The following SPOCK3 variants were observed in gnomAD, a reference collection of about 807,000 sequenced individuals.
SPOCK3 encodes SPARC (osteonectin), cwcv and kazal like domains proteoglycan 3.
A neutral mutation model predicts 56.6 loss-of-function variants in SPOCK3; 30 were observed. The ratio of observed to expected loss-of-function variants is 0.53; its 90% CI spans 0.40 to 0.72. SPOCK3 has a LOEUF of 0.72. Ranked by LOEUF, SPOCK3 falls within the 30% of genes least tolerant of loss-of-function variation. The pLI, the probability that SPOCK3 is intolerant of heterozygous loss-of-function variation, is 0.00. For missense variants in SPOCK3, 527 were observed against 530.0 expected (o/e 0.99, Z 0.06); for synonymous variants, 196 against 183.3 (o/e 1.07, Z -0.56).
rs550756130 is a variant in SPOCK3, at chr4:167,104,482, G to A, written c.190-41945C>T. ...CAGAGTCTCTCAGTAACAGAACTGAGCAAGGAGAAGAAAGAATTAATGAGC... is the reference window on the plus strand; with the variant it reads ...CAGAGTCTCTCAGTAACAGAACTGAACAAGGAGAAGAAAGAATTAATGAGC... On this transcript the variant is annotated intron_variant, in intron 2 of 10. Transcript: ENST00000357545. 7.2e-5 allele frequency among the ~76,000 whole-genome samples: 11 copies of A among 152,206 alleles called. No individual in the cohort carries two copies. In the East Asian group the frequency reaches 1.9e-3, roughly 27 times the overall value.
At chr4:166,803,715 T>C (rs2126698384) in intron 6 of SPOCK3, among the ~76,000 whole-genome samples, 2 of 152,214 alleles carry the variant, frequency 1.3e-5, no homozygotes, top group Middle Eastern at 6.8e-3. Flanking sequence ...TTTCTACTAA[T>C]GGAACATGAC....
intron 6 of SPOCK3, among the ~76,000 whole-genome samples, chr4:166,820,900 C>T (rs930879320): frequency 2.6e-5 from 4 of 151,956 alleles, no homozygotes; most frequent in South Asian, 2.1e-4. Flanking sequence ...TAGATGATGA[C>T]GTCTTAGCTA....
intron 2 of SPOCK3, among the ~76,000 whole-genome samples, chr4:167,184,890 T>C (rs542100944): frequency 2.0e-5 from 3 of 152,222 alleles, no homozygotes; most frequent in East Asian, 1.9e-4. Flanking sequence ...GTAAGTCTAG[T>C]AGTAGTGAAG....
intron 7 of SPOCK3, among the ~76,000 whole-genome samples, chr4:166,766,238 G>A (rs995558910): frequency 6.6e-6 from 1 of 152,154 alleles, no homozygotes; most frequent in Non-Finnish European, 1.5e-5. Flanking sequence ...AATAGGAGTG[G>A]TGAGAGAGAG....
At chr4:167,222,158 A>G (rs1213952515) in intron 2 of SPOCK3, among the ~76,000 whole-genome samples, 1 of 152,134 alleles carries the variant, frequency 6.6e-6, no homozygotes, top group Non-Finnish European at 1.5e-5. Flanking sequence ...ATGCCACAAC[A>G]TGGATGAAAC....
intron 2 of SPOCK3, among the ~76,000 whole-genome samples, chr4:167,172,429 T>C (rs1317561289): frequency 6.6e-6 from 1 of 152,174 alleles, no homozygotes; most frequent in East Asian, 1.9e-4. Context: ...AGGCAAAAGC[T>C]GCCCAATCCA....
At chr4:166,965,390 TTG>T (rs1305690365) in intron 4 of SPOCK3, among the ~76,000 whole-genome samples, 1 of 145,070 alleles carries the variant, frequency 6.9e-6, no homozygotes, top group African/African-American at 2.6e-5. Flanking sequence ...TTTTCTATTA[TTG>T]TTTTTTTTTT....
chr4:167,002,276 T>C (rs910530629), intron 3 of SPOCK3, among the ~76,000 whole-genome samples: 1 of 152,162 alleles, frequency 6.6e-6, no homozygotes, highest in Non-Finnish European at 1.5e-5. Flanking sequence ...CAATATAAAA[T>C]ACAGATATAA....
chr4:166,850,091 G>T (rs772364184), intron 6 of SPOCK3, among the ~76,000 whole-genome samples: 7 of 152,182 alleles, frequency 4.6e-5, no homozygotes, highest in Non-Finnish European at 8.8e-5. Context: ...TTTTGCAGGG[G>T]TATATCCCAG....
chr4:167,215,267 C>T (rs1238535774), intron 2 of SPOCK3, among the ~76,000 whole-genome samples: 1 of 152,064 alleles, frequency 6.6e-6, no homozygotes, highest in Non-Finnish European at 1.5e-5. Context: ...GAATAGGTTT[C>T]AGTTTGCTTC....
chr4:167,055,103 T>A (rs866234523), intron 3 of SPOCK3, among the ~76,000 whole-genome samples: 1 of 152,150 alleles, frequency 6.6e-6, no homozygotes, highest in African/African-American at 2.4e-5. Context: ...TATAAAAATA[T>A]AATGACAATG....
At chr4:166,963,503 G>GTAACCA (rs912536576) in intron 4 of SPOCK3, among the ~76,000 whole-genome samples, 12 of 151,858 alleles carry the variant, frequency 7.9e-5, no homozygotes, top group African/African-American at 2.9e-4. Flanking sequence ...TGTTAGCACC[G>GTAACCA]TAACACTAAG....
intron 2 of SPOCK3, among the ~76,000 whole-genome samples, chr4:167,121,799 G>A (rs555983482): frequency 2.4e-4 from 37 of 152,074 alleles, no homozygotes; most frequent in African/African-American, 8.2e-4. Context: ...GAACCTCCTC[G>A]CAGCTTGGGG....
chr4:167,143,536 G>A (rs1763699316), intron 2 of SPOCK3, among the ~76,000 whole-genome samples: 1 of 151,946 alleles, frequency 6.6e-6, no homozygotes, highest in South Asian at 2.1e-4. Flanking sequence ...GCCAACTACT[G>A]TATTTTCTTG....
At chr4:166,940,611 T>TA (rs1217800149) in intron 4 of SPOCK3, among the ~76,000 whole-genome samples, 1 of 151,456 alleles carries the variant, frequency 6.6e-6, no homozygotes, top group East Asian at 2.0e-4. Context: ...ATTGTAATAA[T>TA]AAAAAACCCC....
At chr4:166,825,525 C>T (rs1047550154) in intron 6 of SPOCK3, among the ~76,000 whole-genome samples, 2 of 152,046 alleles carry the variant, frequency 1.3e-5, no homozygotes, top group Non-Finnish European at 2.9e-5. Context: ...ATCTAGCAAT[C>T]CCACTACTGG....
At chr4:166,797,725 A>G (rs1284460354) in intron 6 of SPOCK3, among the ~76,000 whole-genome samples, 3 of 152,190 alleles carry the variant, frequency 2.0e-5, no homozygotes, top group Non-Finnish European at 4.4e-5. Context: ...GTATATTAAC[A>G]ATAATAAAAA....
At position 167,109,515 on chromosome 4, in the gene SPOCK3, A is replaced by G. The variant is rs536818235; in HGVS notation, c.190-46978T>C. 1.9e-3 allele frequency among the ~76,000 whole-genome samples: 222 copies of G among 119,608 alleles called. 1 individual carries two copies. Among genetic ancestry groups the G allele is most frequent in the African/African-American group, 7.4e-3 (209 of 28,122 alleles). 78.5% of individuals were successfully genotyped at this position (119,608 alleles called of 152,430 possible). A position where few individuals can be genotyped will look rare whatever the true frequency, so the allele number is the denominator to read the frequency against. On this transcript the variant is annotated intron_variant, in intron 2 of 10. Coordinates refer to ENST00000357545, the MANE Select transcript of SPOCK3 (RefSeq NM_001040159.2). ...ATTTATATATTTTATATAAAATATAATATTTATATATTTTATATAAATATA... is the reference window on the plus strand; with the variant it reads ...ATTTATATATTTTATATAAAATATAGTATTTATATATTTTATATAAATATA...
intron 6 of SPOCK3, among the ~76,000 whole-genome samples, chr4:166,863,850 CT>C: frequency 6.6e-6 from 1 of 152,146 alleles, no homozygotes; most frequent in South Asian, 2.1e-4. Context: ...ACTTTAAGAC[CT>C]GACTGTCAAT....
Sources: allele counts gnomAD v4.1 joint callset (sites outside exome capture counted in the v4.1 genomes callset), GRCh38; gene constraint gnomAD v4.1.1; transcripts MANE v1.5; gene names NCBI Gene and HGNC (gene_info 2026-07-23, HGNC 2026-07-21).